IL19: variants seen among roughly 807,000 people sequenced by gnomAD.
IL19 encodes the protein interleukin-19.
IL19 carries 15 observed loss-of-function variants against 19.5 expected under a neutral mutation model. That is an observed-to-expected ratio of 0.77 (90% CI 0.52 to 1.19). The LOEUF (loss-of-function observed/expected upper bound fraction) is 1.19. Ranked by LOEUF, IL19 falls within the 50% of genes most tolerant of loss-of-function variation. The pLI, the probability that IL19 is intolerant of heterozygous loss-of-function variation, is 0.00. For synonymous variants in IL19, 78 were observed against 78.3 expected (o/e 1.00, Z 0.02); for missense variants, 199 against 213.1 (o/e 0.93, Z 0.41).
At chr1:206,813,705 G>T (rs1275917869) in intron 2 of IL19, among the ~76,000 whole-genome samples, 2 of 152,104 alleles carry the variant, frequency 1.3e-5, no homozygotes, top group Non-Finnish European at 2.9e-5. Context: ...TTTAGTTACT[G>T]TGGTTGTTAG....
At chr1:206,841,111 A>C (rs1677001677) in intron 6 of IL19, 33 bp downstream of exon 6, 9 of 1,572,606 alleles carry the variant, frequency 5.7e-6, no homozygotes, top group Non-Finnish European at 7.0e-6. Flanking sequence ...GGAAGATGGA[A>C]GATGAGAGGT....
At chr1:206,827,466 G>T (rs564417822) in intron 2 of IL19, among the ~76,000 whole-genome samples, 1 of 152,048 alleles carries the variant, frequency 6.6e-6, no homozygotes, top group African/African-American at 2.4e-5. Flanking sequence ...CGAGGAGGGC[G>T]GATCACGAGG....
chr1:206,832,739 T>G (rs1676650590), intron 2 of IL19, among the ~76,000 whole-genome samples: 1 of 152,154 alleles, frequency 6.6e-6, no homozygotes, highest in South Asian at 2.1e-4. Context: ...AGAAGGGAGA[T>G]AAGGAAGAAG....
intron 1 of IL19, among the ~76,000 whole-genome samples, chr1:206,787,743 A>C (rs1675300050): frequency 6.6e-6 from 1 of 152,202 alleles, no homozygotes; most frequent in Admixed American, 6.5e-5. Flanking sequence ...AAATACATGA[A>C]AGAGCCCCTC....
Position 206,833,623 on chromosome 1 carries a change from G to A in IL19, c.-2-3038G>A, listed in dbSNP as rs1449188585. ...CTTGGTAAAGAGTTTATGTAAAAAG[G>A]TAATTTAGTTAGAGAGTCTTCTAGC... is the stretch of plus-strand genomic sequence containing the variant. On this transcript the variant is annotated intron_variant, in intron 2 of 6. Coordinates refer to ENST00000659997, the MANE Select transcript of IL19 (RefSeq NM_153758.5). 3.1e-6 allele frequency: 3 copies of A among 977,188 alleles called. No homozygotes were observed. In the Admixed American group the frequency reaches 1.8e-4, roughly 60 times the overall value. 60.5% of individuals were successfully genotyped at this position (977,188 alleles called of 1,614,324 possible).
At position 206,842,791 on chromosome 1, in the gene IL19, A is replaced by G. The variant is rs1401272276; in HGVS notation, c.*169A>G. Reference sequence around the variant, plus strand: ...CCGCTTGAAAATAGCCAAAAAGTCTACTGTGGTATTTGTAATAAACTCTAT... The same window carrying G: ...CCGCTTGAAAATAGCCAAAAAGTCTGCTGTGGTATTTGTAATAAACTCTAT... On this transcript the variant is annotated 3_prime_UTR_variant, in exon 7 of 7. Coordinates refer to ENST00000659997, the MANE Select transcript of IL19 (RefSeq NM_153758.5). 1.1e-4 allele frequency: 63 copies of G among 550,008 alleles called. No individual in the cohort carries two copies. In the East Asian group the frequency reaches 1.8e-3, roughly 16 times the overall value. The allele number at this position is 550,008 out of a possible 1,614,324, so 34.1% of individuals were successfully genotyped here.
rs371284300 is a variant in IL19, at chr1:206,830,739, G to C, written c.-2-5922G>C. ...AATTACAGGTACTGCCACCACGCCAGGCTAATTTTTTGTATTTTTAGTAGA... is the reference window on the plus strand; with the variant it reads ...AATTACAGGTACTGCCACCACGCCACGCTAATTTTTTGTATTTTTAGTAGA... On this transcript the variant is annotated intron_variant, in intron 2 of 6. Coordinates refer to ENST00000659997, the MANE Select transcript of IL19 (RefSeq NM_153758.5). Among the ~76,000 whole-genome samples, 155 of 152,206 alleles carry C rather than the reference G, an allele frequency of 1.0e-3. 4 individuals carry two copies. The South Asian group carries it at 0.031, about 31-fold the overall frequency.
At chr1:206,841,338 A>G (rs1239891099) in intron 6 of IL19, among the ~76,000 whole-genome samples, 1 of 152,218 alleles carries the variant, frequency 6.6e-6, no homozygotes, top group Non-Finnish European at 1.5e-5. Context: ...GATTTGGGGA[A>G]AGCACCCACT....
chr1:206,809,747 G>A (rs893109577), intron 2 of IL19, among the ~76,000 whole-genome samples: 6 of 152,180 alleles, frequency 3.9e-5, no homozygotes, highest in Non-Finnish European at 8.8e-5. Flanking sequence ...ATAGTAGCTG[G>A]GAGGTGGGGT....
chr1:206,791,929 ATGTG>A lies in IL19; in HGVS notation c.-148-6919_-148-6916del, dbSNP rs55855361. ...AATTGGAATGTTCCTGGTCCTGTGC[ATGTG>A]TGTGTGTGTGTGCATTTAACTGTGG... On this transcript the variant is annotated intron_variant, in intron 1 of 6. Transcript: ENST00000659997. 2.7e-3 allele frequency among the ~76,000 whole-genome samples: 411 copies of A among 151,496 alleles called. 2 individuals are homozygous for A. The highest frequency in any genetic ancestry group is 9.6e-3 in the African/African-American group (397 of 41,350).
At chr1:206,815,677 G>A (rs1041848089) in intron 2 of IL19, among the ~76,000 whole-genome samples, 1 of 152,078 alleles carries the variant, frequency 6.6e-6, no homozygotes, top group Non-Finnish European at 1.5e-5. Context: ...GTAAGAAAAT[G>A]ACACCAAGCA....
chr1:206,814,229 G>C (rs765645414), intron 2 of IL19, among the ~76,000 whole-genome samples: 1 of 152,108 alleles, frequency 6.6e-6, no homozygotes, highest in African/African-American at 2.4e-5. Flanking sequence ...CTAAGTGTAA[G>C]TTTGAACGGC....
intron 2 of IL19, among the ~76,000 whole-genome samples, chr1:206,827,418 C>A (rs964422315): frequency 1.3e-5 from 2 of 152,246 alleles, no homozygotes; most frequent in South Asian, 4.2e-4. Context: ...CGGCCGGGCA[C>A]GGTGGCTCAC....
chr1:206,821,668 A>G (rs1253507021), intron 2 of IL19, among the ~76,000 whole-genome samples: 1 of 152,238 alleles, frequency 6.6e-6, no homozygotes, highest in Non-Finnish European at 1.5e-5. Context: ...CTTCCACTGC[A>G]GCAGGTGGAT....
intron 2 of IL19, among the ~76,000 whole-genome samples, chr1:206,822,578 C>G (rs1403944269): frequency 6.6e-6 from 1 of 152,140 alleles, no homozygotes; most frequent in African/African-American, 2.4e-5. Context: ...TTTTATCAAT[C>G]TGTGTTATGT....
intron 2 of IL19, among the ~76,000 whole-genome samples, chr1:206,826,882 G>T (rs1047471924): frequency 4.6e-5 from 7 of 152,182 alleles, no homozygotes; most frequent in Non-Finnish European, 1.0e-4. Flanking sequence ...AGAGGACAAA[G>T]ATTCTGTGAA....
chr1:206,835,033 T>C (rs1411163959), intron 2 of IL19, among the ~76,000 whole-genome samples: 1 of 152,252 alleles, frequency 6.6e-6, no homozygotes, highest in Non-Finnish European at 1.5e-5. Context: ...CCAATGCACA[T>C]GGCACGCAGG....
intron 1 of IL19, among the ~76,000 whole-genome samples, chr1:206,796,571 T>G (rs765130966): frequency 1.8e-4 from 27 of 152,336 alleles, no homozygotes; most frequent in Non-Finnish European, 1.3e-4. Context: ...TATGATGCTG[T>G]ATTTTACTAT....
At chr1:206,824,221 G>A (rs1263375817) in intron 2 of IL19, among the ~76,000 whole-genome samples, 1 of 152,220 alleles carries the variant, frequency 6.6e-6, no homozygotes, top group Non-Finnish European at 1.5e-5. Context: ...GGTAGGCTGA[G>A]TTCTAGCTCT....
Sources: gnomAD v4.1 joint callset for allele counts (sites outside exome capture counted in the v4.1 genomes callset) on GRCh38, gnomAD v4.1.1 for gene constraint, MANE v1.5 for transcripts, NCBI Gene and HGNC (gene_info 2026-07-23, HGNC 2026-07-21) for gene names.